The following LSAMP variants were observed in gnomAD, a reference collection of about 807,000 sequenced individuals.
LSAMP encodes limbic system associated membrane protein.
Under a neutral mutation model 38.6 loss-of-function variants are expected in LSAMP, and 7 were observed. The observed-to-expected ratio is 0.18, with a 90% CI of 0.10 to 0.34. The LOEUF (loss-of-function observed/expected upper bound fraction) is 0.34, where lower values mean the gene tolerates loss of function less well. Ranked by LOEUF, LSAMP falls within the 10% of genes least tolerant of loss-of-function variation. LSAMP has a pLI of 1.00. For missense variants in LSAMP, 313 were observed against 420.0 expected (o/e 0.75, Z 2.23); for synonymous variants, 154 against 166.8 (o/e 0.92, Z 0.59).
At chr3:116,243,851 A>T (rs2046570976) in intron 1 of LSAMP, among the ~76,000 whole-genome samples, 1 of 152,220 alleles carries the variant, frequency 6.6e-6, no homozygotes, top group African/African-American at 2.4e-5. Flanking sequence ...TAATTTATTA[A>T]AAATTATTTG....
At chr3:116,145,970 T>C (rs1217872246) in intron 1 of LSAMP, among the ~76,000 whole-genome samples, 1 of 152,016 alleles carries the variant, frequency 6.6e-6, no homozygotes, top group African/African-American at 2.4e-5. Context: ...TTATAATCTT[T>C]ATTGCTACAT....
At chr3:116,293,607 A>T (rs1276860808) in intron 1 of LSAMP, among the ~76,000 whole-genome samples, 1 of 152,186 alleles carries the variant, frequency 6.6e-6, no homozygotes, top group Non-Finnish European at 1.5e-5. Context: ...GAGTTAGGAA[A>T]ATGAGGGCAT....
At chr3:116,164,981 C>T (rs896964049) in intron 1 of LSAMP, among the ~76,000 whole-genome samples, 4 of 151,830 alleles carry the variant, frequency 2.6e-5, no homozygotes, top group African/African-American at 9.7e-5. Flanking sequence ...TGACTCCTCA[C>T]TTGTTACTTT....
At chr3:116,338,916 T>C (rs746618432) in intron 1 of LSAMP, among the ~76,000 whole-genome samples, 18 of 151,994 alleles carry the variant, frequency 1.2e-4, no homozygotes, top group Non-Finnish European at 2.2e-4. Flanking sequence ...CCATTCACAG[T>C]AGAGTGATTA....
chr3:116,261,455 T>C (rs931617103), intron 1 of LSAMP, among the ~76,000 whole-genome samples: 1 of 152,220 alleles, frequency 6.6e-6, no homozygotes, highest in Admixed American at 6.5e-5. Flanking sequence ...ATTATCAGCA[T>C]GTCACCTCGC....
rs547692971 is a variant in LSAMP at position 116,103,803 on chromosome 3, C to T, written c.156-17247G>A. Reference sequence around the variant, plus strand: ...AGTCAGAGTCCCTAATTTATTTTTTCTAAGTGTATCAGTGCAGTAATGATT... The same window carrying T: ...AGTCAGAGTCCCTAATTTATTTTTTTTAAGTGTATCAGTGCAGTAATGATT... On this transcript the variant is annotated intron_variant, in intron 1 of 6. Coordinates refer to ENST00000490035, the MANE Select transcript of LSAMP (RefSeq NM_002338.5). 3.8e-4 allele frequency among the ~76,000 whole-genome samples: 58 copies of T among 151,998 alleles called. 1 individual carries two copies. The highest frequency in any genetic ancestry group is 1.3e-3 in the African/African-American group (56 of 41,498).
chr3:116,129,653 TA>T (rs1475616478), intron 1 of LSAMP, among the ~76,000 whole-genome samples: 1 of 152,190 alleles, frequency 6.6e-6, no homozygotes, highest in Non-Finnish European at 1.5e-5. Flanking sequence ...GATGTGGCAT[TA>T]ATGAAGCAAT....
chr3:116,295,578 G>T (rs1470362434), intron 1 of LSAMP, among the ~76,000 whole-genome samples: 1 of 152,200 alleles, frequency 6.6e-6, no homozygotes, highest in African/African-American at 2.4e-5. Flanking sequence ...GGGACAGAAA[G>T]TGTTAGCATG....
intron 2 of LSAMP, among the ~76,000 whole-genome samples, chr3:116,023,189 T>TACAC (rs147850651): frequency 6.6e-6 from 1 of 151,692 alleles, no homozygotes; most frequent in Admixed American, 6.6e-5. Context: ...TATATATATA[T>TACAC]ACACACATAT....
chr3:116,104,539 C>T (rs1708418983), intron 1 of LSAMP, among the ~76,000 whole-genome samples: 1 of 152,172 alleles, frequency 6.6e-6, no homozygotes, highest in Non-Finnish European at 1.5e-5. Context: ...AACAACCTTG[C>T]ACCAAATATT....
chr3:116,112,969 ATTTT>A (rs528068600), intron 1 of LSAMP, among the ~76,000 whole-genome samples: 2 of 145,614 alleles, frequency 1.4e-5, no homozygotes, highest in Non-Finnish European at 3.0e-5. Flanking sequence ...TCCAGTACTC[ATTTT>A]TTTTTTTTTA....
At chr3:116,337,152 G>T (rs1160181013) in intron 1 of LSAMP, among the ~76,000 whole-genome samples, 1 of 151,958 alleles carries the variant, frequency 6.6e-6, no homozygotes, top group Non-Finnish European at 1.5e-5. Context: ...AATGGTGGTT[G>T]CAGGGCCTGG....
At chr3:116,318,135 CA>C (rs373392802) in intron 1 of LSAMP, among the ~76,000 whole-genome samples, 15,360 of 101,444 alleles carry the variant, frequency 0.15, 977 homozygotes, top group Admixed American at 0.21. Context: ...GACTCCATCT[CA>C]AAAAAAAAAA....
chr3:115,948,802 A>G (rs1938189244), intron 3 of LSAMP, among the ~76,000 whole-genome samples: 1 of 152,194 alleles, frequency 6.6e-6, no homozygotes, highest in African/African-American at 2.4e-5. Context: ...AAATAAAATT[A>G]AAACAACAAC....
intron 1 of LSAMP, among the ~76,000 whole-genome samples, chr3:116,211,417 T>C (rs1055648034): frequency 6.6e-6 from 1 of 152,186 alleles, no homozygotes; most frequent in Non-Finnish European, 1.5e-5. Flanking sequence ...CATTCAAAAA[T>C]GTATACATGT....
intron 1 of LSAMP, among the ~76,000 whole-genome samples, chr3:116,210,364 A>G (rs183526132): frequency 6.6e-6 from 1 of 152,316 alleles, no homozygotes; most frequent in African/African-American, 2.4e-5. Context: ...TGCGGCTTGA[A>G]TAAAGCAGTC....
chr3:116,439,845 C>G (rs923387756), intron 1 of LSAMP, among the ~76,000 whole-genome samples: 1 of 152,224 alleles, frequency 6.6e-6, no homozygotes, highest in Non-Finnish European at 1.5e-5. Flanking sequence ...TTCTCAGTCT[C>G]CTAAGCAGCT....
chr3:116,165,122 C>T (rs1710018394), intron 1 of LSAMP, among the ~76,000 whole-genome samples: 1 of 152,168 alleles, frequency 6.6e-6, no homozygotes, highest in South Asian at 2.1e-4. Context: ...GACCGTGCTT[C>T]TAGGTTGAAA....
At chr3:116,057,957 C>CACACACACACACACACACA (rs1553699978) in intron 2 of LSAMP, among the ~76,000 whole-genome samples, 5 of 117,482 alleles carry the variant, frequency 4.3e-5, no homozygotes, top group Admixed American at 8.6e-5. Flanking sequence ...ACACACACAC[C>CACACACACACACACACACA]CACACACACA....
Sources: allele counts gnomAD v4.1 joint callset (sites outside exome capture counted in the v4.1 genomes callset), GRCh38; gene constraint gnomAD v4.1.1; transcripts MANE v1.5; gene names NCBI Gene and HGNC (gene_info 2026-07-23, HGNC 2026-07-21).